DNAJB11: variants seen among roughly 807,000 people sequenced by gnomAD.
DNAJB11 encodes the protein DnaJ heat shock protein family (Hsp40) member B11.
DNAJB11 carries 30 observed loss-of-function variants against 47.2 expected under a neutral mutation model. The observed-to-expected ratio is 0.64, with a 90% CI of 0.48 to 0.86. DNAJB11 has a LOEUF of 0.86. Ranked by LOEUF, DNAJB11 falls within the 40% of genes least tolerant of loss-of-function variation. The pLI is 0.00. For missense variants in DNAJB11, 357 were observed against 440.2 expected (o/e 0.81, Z 1.69); for synonymous variants, 151 against 159.9 (o/e 0.94, Z 0.42).
rs1393842100 is a variant in DNAJB11, at chr3:186,584,515, A to G, written c.938A>G (p.Asn313Ser). 1.9e-6 allele frequency: 3 copies of G among 1,603,354 alleles called. No individual in the cohort carries two copies. Among genetic ancestry groups the G allele is most frequent in the South Asian group, 1.1e-5 (1 of 89,026 alleles). Residue 313 changes from asparagine (N) to serine (S), a missense_variant, in exon 9 of 10, where the codon AAT becomes AGT. Coordinates refer to ENST00000265028, the MANE Select transcript of DNAJB11 (RefSeq NM_016306.6). ...GEGLPNFDNN[N>S]IKGSLIITFD... Reference sequence around the variant, plus strand: ...GGGCTCCCCAACTTTGACAACAACAATATCAAGGGCTCTTTGATAATCACT... The same window carrying G: ...GGGCTCCCCAACTTTGACAACAACAGTATCAAGGGCTCTTTGATAATCACT...
At chr3:186,579,122 A>C (rs149464931) in intron 4 of DNAJB11, 2 of 152,336 alleles carry the variant, frequency 1.3e-5, no homozygotes, top group East Asian at 3.9e-4. Flanking sequence ...AAAATAAGAA[A>C]GCTGTTCACC....
intron 3 of DNAJB11, 27 bp downstream of exon 3, chr3:186,575,964 G>C: frequency 6.6e-7 from 1 of 1,522,266 alleles, no homozygotes. Flanking sequence ...TCTGCAAAGT[G>C]TTAGTGTCTG....
intron 2 of DNAJB11, among the ~76,000 whole-genome samples, chr3:186,573,806 A>G (rs563770086): frequency 1.8e-4 from 27 of 152,282 alleles, no homozygotes; most frequent in African/African-American, 5.8e-4. Flanking sequence ...TTTGCACTGT[A>G]TTTTCCATGA....
intron 1 of DNAJB11, 22 bp downstream of exon 1, chr3:186,570,987 A>T: frequency 2.3e-6 from 3 of 1,321,218 alleles, no homozygotes; most frequent in Non-Finnish European, 2.1e-6. Flanking sequence ...ACACTCGCAG[A>T]CAACGGGGCC....
chr3:186,581,985 T>C lies in DNAJB11; in HGVS notation c.600-10T>C. 6.2e-7 allele frequency: 1 copy of C among 1,608,012 alleles called. No individual in the cohort carries two copies. The highest frequency in any genetic ancestry group is 1.1e-5 in the South Asian group (1 of 90,526). On this transcript the variant is annotated splice_polypyrimidine_tract_variant and intron_variant, in intron 5 of 9. Coordinates refer to ENST00000265028, the MANE Select transcript of DNAJB11 (RefSeq NM_016306.6). ...TTATTTTTCTCCTCTTTTAATTCTC[T>C]TTACCTCAGACTAGTGAATGAAGAA...
At chr3:186,573,535 A>C (rs1431852870) in intron 2 of DNAJB11, among the ~76,000 whole-genome samples, 1 of 151,968 alleles carries the variant, frequency 6.6e-6, no homozygotes, top group East Asian at 1.9e-4. Flanking sequence ...ACAGCTGTGC[A>C]CCACCATGCC....
chr3:186,581,511 C>T lies in DNAJB11; in HGVS notation c.597C>T (p.Val199=). The change falls in exon 5 of 10, where the codon GTC becomes GTT. Residue 199 remains valine (V), a splice_region_variant and synonymous_variant. Coordinates refer to ENST00000265028, the MANE Select transcript of DNAJB11 (RefSeq NM_016306.6). ...QEVVCDECPN[V]KLVNEERTLE... Reference sequence around the variant, plus strand: ...TGGTCTGCGACGAATGCCCTAATGTCAAGTAAGTGAAAGCACCTTCTTTGT... The same window carrying T: ...TGGTCTGCGACGAATGCCCTAATGTTAAGTAAGTGAAAGCACCTTCTTTGT... The T allele has an allele frequency of 6.2e-7, 1 of 1,610,196 alleles. No homozygotes were observed. The highest frequency in any genetic ancestry group is 1.3e-5 in the African/African-American group (1 of 74,532).
At chr3:186,582,120 G>T in intron 6 of DNAJB11, 43 bp downstream of exon 6, 1 of 1,463,624 alleles carries the variant, frequency 6.8e-7, no homozygotes, top group Non-Finnish European at 9.5e-7. Flanking sequence ...ATAACTTTTT[G>T]CTCTCTGCTT....
intron 4 of DNAJB11, chr3:186,580,999 G>A (rs762907971): frequency 3.6e-4 from 58 of 160,100 alleles, no homozygotes; most frequent in Non-Finnish European, 6.7e-4. Flanking sequence ...GTTCCTCAGG[G>A]GTTATGCTTT....
rs754421005 is a variant in DNAJB11 at position 186,585,327 on chromosome 3, G to T, written c.1013-17G>T. On this transcript the variant is annotated splice_polypyrimidine_tract_variant and intron_variant, in intron 9 of 9. Transcript: ENST00000265028. ...CATTTTTTTGTTAATGGAGTCATTT[G>T]TTCATTCTTTCTTCAGGTATCAAAC... The T allele has an allele frequency of 1.9e-6, 3 of 1,605,818 alleles. No homozygotes were observed. The highest frequency in any genetic ancestry group is 4.5e-5 in the East Asian group (2 of 44,620).
intron 9 of DNAJB11, among the ~76,000 whole-genome samples, 182 bp from the exon 10 acceptor site, chr3:186,585,162 G>C (rs1715640927): frequency 6.6e-6 from 1 of 152,162 alleles, no homozygotes; most frequent in Non-Finnish European, 1.5e-5. Context: ...GGATCATCCT[G>C]GACACACATG....
At position 186,585,398 on chromosome 3, in the gene DNAJB11, A is replaced by G; in HGVS notation, c.1067A>G (p.Gln356Arg). ...GSVQKVYNGL[Q>R]GY Reference sequence around the variant, plus strand: ...GTGCAGAAGGTATACAATGGACTGCAAGGATATTGAGAGTGAATAAAATTG... The same window carrying G: ...GTGCAGAAGGTATACAATGGACTGCGAGGATATTGAGAGTGAATAAAATTG... The change falls in exon 10 of 10, where the codon CAA becomes CGA. Residue 356 changes from glutamine (Q) to arginine (R), a missense_variant. Transcript: ENST00000265028. 6.2e-7 allele frequency: 1 copy of G among 1,609,048 alleles called. No homozygotes were observed. Among genetic ancestry groups the G allele is most frequent in the Non-Finnish European group, 8.5e-7 (1 of 1,177,458 alleles).
Position 186,572,256 on chromosome 3 carries a change from G to C in DNAJB11, c.225+5G>C, listed in dbSNP as rs762214220. 4 of 1,597,942 alleles carry C rather than the reference G, an allele frequency of 2.5e-6. No individual in the cohort carries two copies. The highest frequency in any genetic ancestry group is 2.2e-5 in the East Asian group (1 of 44,824). On this transcript the variant is annotated splice_donor_5th_base_variant and intron_variant, in intron 2 of 9. Transcript: ENST00000265028. ...GATCTGGGTGCTGCTTATGAGGTGAGTTGGGAAAAGTGATAAAGTACGAAT... is the reference window on the plus strand; with the variant it reads ...GATCTGGGTGCTGCTTATGAGGTGACTTGGGAAAAGTGATAAAGTACGAAT...
intron 2 of DNAJB11, among the ~76,000 whole-genome samples, chr3:186,572,909 G>A (rs1379417915): frequency 6.6e-6 from 1 of 152,092 alleles, no homozygotes; most frequent in African/African-American, 2.4e-5. Context: ...TGAAAATCTA[G>A]ATTTTTTATA....
chr3:186,572,749 T>C (rs887519923), intron 2 of DNAJB11, among the ~76,000 whole-genome samples: 2 of 152,208 alleles, frequency 1.3e-5, no homozygotes, highest in African/African-American at 4.8e-5. Flanking sequence ...TGCCTCCATA[T>C]TGGGAAGCAA....
At position 186,572,138 on chromosome 3, in the gene DNAJB11, A is replaced by G. The variant is rs750148501; in HGVS notation, c.112A>G (p.Ile38Val). Residue 38 changes from isoleucine (I) to valine (V), a missense_variant, in exon 2 of 10, where the codon ATA becomes GTA. Physicochemically the swap from Ile to Val is conservative, Grantham distance 29. Transcript: ENST00000265028. ...KILGVPRSAS[I>V]KDIKKAYRKL... is the part of the protein sequence containing the mutation. ...CTTGGGGGTGCCTCGAAGTGCCTCTATAAAGGATATTAAAAAGGCCTATAG... is the reference window on the plus strand; with the variant it reads ...CTTGGGGGTGCCTCGAAGTGCCTCTGTAAAGGATATTAAAAAGGCCTATAG... 4 of 1,611,734 alleles carry G rather than the reference A, an allele frequency of 2.5e-6. No individual in the cohort carries two copies. Among genetic ancestry groups the G allele is most frequent in the East Asian group, 2.2e-5 (1 of 44,846 alleles).
At chr3:186,576,052 T>C in intron 3 of DNAJB11, 115 bp downstream of exon 3, 1 of 680,406 alleles carries the variant, frequency 1.5e-6, no homozygotes. Flanking sequence ...ACAATTTAGC[T>C]GATCCAAAGA....
Position 186,575,368 on chromosome 3 carries a change from C to CGT in DNAJB11, c.226-449_226-448dup, listed in dbSNP as rs3051602. Among the ~76,000 whole-genome samples, 348 of 143,438 alleles carry CGT rather than the reference C, an allele frequency of 2.4e-3. 1 individual carries two copies. The highest frequency in any genetic ancestry group is 7.3e-3 in the African/African-American group (273 of 37,176). 94.1% of individuals were successfully genotyped at this position (143,438 alleles called of 152,430 possible). A position where few individuals can be genotyped will look rare whatever the true frequency, so the allele number is the denominator to read the frequency against. Reference sequence around the variant, plus strand: ...CTCCTAATACATGCGCGCGCGCGCGCGTGTGTGTGTGTGTGTGTGTGTGTC... The same window carrying CGT: ...CTCCTAATACATGCGCGCGCGCGCGCGTGTGTGTGTGTGTGTGTGTGTGTGTC... On this transcript the variant is annotated intron_variant, in intron 2 of 9. Transcript: ENST00000265028.
chr3:186,581,492 G>A lies in DNAJB11; in HGVS notation c.578G>A (p.Cys193Tyr). ...TTCCAAATGACCCAGGAGGTGGTCT[G>A]CGACGAATGCCCTAATGTCAAGTAA... Reference protein sequence around the residue: ...GRFQMTQEVVCDECPNVKLVN... With the variant: ...GRFQMTQEVVYDECPNVKLVN... Residue 193 changes from cysteine (C) to tyrosine (Y), a missense_variant, in exon 5 of 10, where the codon TGC becomes TAC. By Grantham distance (194) the Cys-to-Tyr change is radical. Coordinates refer to ENST00000265028, the MANE Select transcript of DNAJB11 (RefSeq NM_016306.6). The A allele has an allele frequency of 6.2e-7, 1 of 1,613,300 alleles. No individual in the cohort carries two copies. The highest frequency in any genetic ancestry group is 8.5e-7 in the Non-Finnish European group (1 of 1,179,788).
Sources: gnomAD v4.1 joint callset for allele counts (sites outside exome capture counted in the v4.1 genomes callset) on GRCh38, gnomAD v4.1.1 for gene constraint, MANE v1.5 for transcripts, NCBI Gene and HGNC (gene_info 2026-07-23, HGNC 2026-07-21) for gene names.